ACTR10: variants seen among roughly 807,000 people sequenced by gnomAD.
ACTR10 encodes actin related protein 10, also known as actin-related protein 10.
A neutral mutation model predicts 56.2 loss-of-function variants in ACTR10; 43 were observed. That is an observed-to-expected ratio of 0.77 (90% CI 0.60 to 0.99). The LOEUF (loss-of-function observed/expected upper bound fraction) is 0.99, where lower values mean the gene tolerates loss of function less well. Ranked by LOEUF, ACTR10 falls within the 50% of genes least tolerant of loss-of-function variation. The pLI, the probability that ACTR10 is intolerant of heterozygous loss-of-function variation, is 0.00. For synonymous variants in ACTR10, 170 were observed against 176.3 expected (o/e 0.96, Z 0.28); for missense variants, 466 against 507.8 (o/e 0.92, Z 0.79).
intron 10 of ACTR10, among the ~76,000 whole-genome samples, chr14:58,227,166 C>CTTTTTT (rs10542034): frequency 6.8e-6 from 1 of 146,578 alleles, no homozygotes. Context: ...TGATTTCCAG[C>CTTTTTT]TTTTTTTTTT....
intron 10 of ACTR10, among the ~76,000 whole-genome samples, chr14:58,229,725 G>A (rs1889486505): frequency 6.6e-6 from 1 of 150,644 alleles, no homozygotes; most frequent in African/African-American, 2.4e-5. Context: ...TACTACTTAT[G>A]GAAGGTGATG....
intron 5 of ACTR10, among the ~76,000 whole-genome samples, chr14:58,212,205 A>G (rs965245874): frequency 1.3e-5 from 2 of 152,134 alleles, no homozygotes; most frequent in Admixed American, 1.3e-4. Context: ...GTGAGGTAAT[A>G]TATATAAAGT....
At chr14:58,213,163 A>G (rs1387534055) in intron 5 of ACTR10, 2 of 152,348 alleles carry the variant, frequency 1.3e-5, no homozygotes, top group African/African-American at 2.4e-5. Flanking sequence ...TTTAAAAGGC[A>G]TGAGAAAAGA....
At chr14:58,231,955 A>G (rs1594816331) in intron 11 of ACTR10, 111 bp from the exon 12 acceptor site, 1 of 550,932 alleles carries the variant, frequency 1.8e-6, no homozygotes, top group Admixed American at 4.0e-5. Flanking sequence ...AATCTGTAGT[A>G]TAATAATAAT....
In ACTR10 at chr14:58,223,765, A is replaced by T; in HGVS notation, c.715-18A>T. 6.2e-7 allele frequency: 1 copy of T among 1,610,626 alleles called. No individual in the cohort carries two copies. Among genetic ancestry groups the T allele is most frequent in the Non-Finnish European group, 8.5e-7 (1 of 1,177,962 alleles). On this transcript the variant is annotated intron_variant, in intron 9 of 12. Transcript: ENST00000254286. ...TTACAACATGTGTGGACTTATGTTT[A>T]TGATATTTATATTTCAGCGTCCCTC...
At position 58,200,301 on chromosome 14, in the gene ACTR10, G is replaced by A; in HGVS notation, c.77+7G>A. On this transcript the variant is annotated splice_region_variant and intron_variant, in intron 1 of 12. Transcript: ENST00000254286. ...TGGGAGAGGCCTTTACCAAGTGAGT[G>A]GCCGTGACGCCAGCTGTGTTCGACC... 6.7e-7 allele frequency: 1 copy of A among 1,500,562 alleles called. No homozygotes were observed. Among genetic ancestry groups the A allele is most frequent in the East Asian group, 2.7e-5 (1 of 36,838 alleles). The allele number at this position is 1,500,562 out of a possible 1,614,324, so 93.0% of individuals were successfully genotyped here.
At chr14:58,234,270 CCA>C (rs1889615232) in intron 12 of ACTR10, 98 bp from the exon 13 acceptor site, 1 of 1,007,960 alleles carries the variant, frequency 9.9e-7, no homozygotes, top group African/African-American at 1.6e-5. Context: ...CTGAATTTTA[CCA>C]GTCCACTTTT....
chr14:58,228,361 T>TA (rs1461589845), intron 10 of ACTR10, among the ~76,000 whole-genome samples: 1 of 152,196 alleles, frequency 6.6e-6, no homozygotes, highest in Non-Finnish European at 1.5e-5. Context: ...CTCTTGCCTA[T>TA]AATCCCAACA....
At position 58,200,199 on chromosome 14, in the gene ACTR10, C is replaced by G. The variant is rs373681203; in HGVS notation, c.-19C>G. On this transcript the variant is annotated 5_prime_UTR_variant, in exon 1 of 13. Coordinates refer to ENST00000254286, the MANE Select transcript of ACTR10 (RefSeq NM_018477.3). Reference sequence around the variant, plus strand: ...GCCGCGGAGACTGCGACCCTCTTCTCTCAGTCTGCCTTACTACCATGCCGC... The same window carrying G: ...GCCGCGGAGACTGCGACCCTCTTCTGTCAGTCTGCCTTACTACCATGCCGC... The G allele has an allele frequency of 2.7e-6, 4 of 1,508,310 alleles. No homozygotes were observed. Among genetic ancestry groups the G allele is most frequent in the South Asian group, 2.5e-5 (2 of 78,936 alleles). The allele number at this position is 1,508,310 out of a possible 1,614,324, so 93.4% of individuals were successfully genotyped here. A position where few individuals can be genotyped will look rare whatever the true frequency, so the allele number is the denominator to read the frequency against.
intron 10 of ACTR10, among the ~76,000 whole-genome samples, chr14:58,228,819 T>C (rs775309091): frequency 4.0e-5 from 6 of 150,094 alleles, no homozygotes; most frequent in Non-Finnish European, 8.9e-5. Context: ...GCTGGGATTA[T>C]AGGCATGAGC....
intron 5 of ACTR10, among the ~76,000 whole-genome samples, chr14:58,212,376 A>G (rs1466250140): frequency 6.6e-6 from 1 of 152,216 alleles, no homozygotes; most frequent in Non-Finnish European, 1.5e-5. Flanking sequence ...ATATTTAAGC[A>G]GAGTATAGAT....
At chr14:58,203,482 C>T (rs1888779980) in intron 2 of ACTR10, among the ~76,000 whole-genome samples, 1 of 152,054 alleles carries the variant, frequency 6.6e-6, no homozygotes, top group African/African-American at 2.4e-5. Flanking sequence ...TTCATCACCC[C>T]AGTAAAATCC....
chr14:58,205,613 C>T (rs1338364772), intron 2 of ACTR10, among the ~76,000 whole-genome samples: 1 of 152,082 alleles, frequency 6.6e-6, no homozygotes, highest in Non-Finnish European at 1.5e-5. Context: ...CTGCGCTCGG[C>T]CCAGAAATCT....
intron 11 of ACTR10, among the ~76,000 whole-genome samples, chr14:58,231,555 G>T (rs547676673): frequency 6.6e-6 from 1 of 152,222 alleles, no homozygotes; most frequent in East Asian, 1.9e-4. Flanking sequence ...TACCTCTAGG[G>T]CTCCATTCAT....
chr14:58,220,033 G>A (rs1381709287), intron 8 of ACTR10, among the ~76,000 whole-genome samples: 19 of 151,990 alleles, frequency 1.3e-4, no homozygotes, highest in Admixed American at 1.2e-3. Context: ...GAAAGCTACT[G>A]GTTTGATGTA....
intron 8 of ACTR10, among the ~76,000 whole-genome samples, chr14:58,221,529 GGT>G: frequency 6.6e-6 from 1 of 152,100 alleles, no homozygotes. Flanking sequence ...GGGATCTCCT[GGT>G]GGAGGCTGCA....
intron 1 of ACTR10, among the ~76,000 whole-genome samples, chr14:58,201,324 A>G (rs766044040): frequency 1.3e-5 from 2 of 152,200 alleles, no homozygotes; most frequent in Non-Finnish European, 2.9e-5. Context: ...AAGCGTAATA[A>G]ACAGTTCGAG....
rs375108336 is a variant in ACTR10 at position 58,232,102 on chromosome 14, T to A, written c.907T>A (p.Leu303Met). Reference protein sequence around the residue: ...IDTRKQLAENLVVIGGTSMLP... With the variant: ...IDTRKQLAENMVVIGGTSMLP... ...CACCAGGAAGCAACTAGCAGAGAAT[T>A]TGGTAGTCATAGGTGGCACTTCTAT... The change falls in exon 12 of 13, where the codon TTG becomes ATG. Residue 303 changes from leucine (L) to methionine (M), a missense_variant. By Grantham distance (15) the Leu-to-Met change is conservative. Transcript: ENST00000254286. The A allele has an allele frequency of 2.5e-6, 4 of 1,613,774 alleles. No homozygotes were observed. The highest frequency in any genetic ancestry group is 1.1e-5 in the South Asian group (1 of 91,072).
chr14:58,219,079 C>T (rs1889205435), intron 7 of ACTR10, among the ~76,000 whole-genome samples: 1 of 152,164 alleles, frequency 6.6e-6, no homozygotes, highest in African/African-American at 2.4e-5. Flanking sequence ...CTTGGCCTTC[C>T]ATAGCGCTGG....
Sources: allele counts gnomAD v4.1 joint callset (sites outside exome capture counted in the v4.1 genomes callset), GRCh38; gene constraint gnomAD v4.1.1; transcripts MANE v1.5; gene names NCBI Gene and HGNC (gene_info 2026-07-23, HGNC 2026-07-21).